LOC400499: variants seen among roughly 807,000 people sequenced by gnomAD.
the LOC400499 span, among the ~76,000 whole-genome samples, chr16:11,467,925 T>C: frequency 6.6e-6 from 1 of 152,134 alleles, no homozygotes; most frequent in Admixed American, 6.6e-5. Flanking sequence ...CCCGTTTGCC[T>C]GGTGTCCTTA....
the LOC400499 span, among the ~76,000 whole-genome samples, chr16:11,515,762 G>T: frequency 6.7e-6 from 1 of 149,780 alleles, no homozygotes; most frequent in East Asian, 2.0e-4. Flanking sequence ...AGGAGGAGGA[G>T]AAAAAGGGAG....
chr16:11,471,390 T>A, the LOC400499 span: 3 of 339,422 alleles, frequency 8.8e-6, no homozygotes, highest in Non-Finnish European at 1.1e-5. Context: ...CAAAAGAATA[T>A]GATGTGCTCT....
At chr16:11,456,587 T>C in the LOC400499 span, among the ~76,000 whole-genome samples, 1 of 151,734 alleles carries the variant, frequency 6.6e-6, no homozygotes, top group Admixed American at 6.6e-5. Flanking sequence ...AAAGATAAGG[T>C]TTTCGTTTGT....
chr16:11,405,407 G>A, the LOC400499 span, among the ~76,000 whole-genome samples: 88 of 152,338 alleles, frequency 5.8e-4, no homozygotes, highest in African/African-American at 1.9e-3. Context: ...AGTCGAGATA[G>A]TCACAGGACA....
chr16:11,391,727 G>C, the LOC400499 span: 1 of 1,232,160 alleles, frequency 8.1e-7, no homozygotes. Flanking sequence ...AAAGAGGCAG[G>C]TGCTGGGTCA....
the LOC400499 span, chr16:11,459,774 G>A: frequency 2.6e-5 from 27 of 1,028,458 alleles, no homozygotes; most frequent in Non-Finnish European, 3.4e-5. Context: ...AAGTCACCAA[G>A]GCTAAGTTTC....
At chr16:11,468,047 C>A in the LOC400499 span, among the ~76,000 whole-genome samples, 1 of 151,660 alleles carries the variant, frequency 6.6e-6, no homozygotes, top group African/African-American at 2.4e-5. Context: ...AATCCAGGAG[C>A]GAGACCTAGG....
At chr16:11,425,681 T>G in the LOC400499 span, among the ~76,000 whole-genome samples, 2 of 152,194 alleles carry the variant, frequency 1.3e-5, no homozygotes, top group African/African-American at 4.8e-5. Flanking sequence ...TATATTTATA[T>G]AGAGCTATAC....
At chr16:11,383,160 G>A in the LOC400499 span, among the ~76,000 whole-genome samples, 26 of 152,090 alleles carry the variant, frequency 1.7e-4, no homozygotes, top group Non-Finnish European at 3.1e-4. Context: ...CTGCCTCCTG[G>A]GTTCACGCCA....
chr16:11,495,508 G>A, the LOC400499 span, among the ~76,000 whole-genome samples: 1 of 149,814 alleles, frequency 6.7e-6, no homozygotes, highest in Non-Finnish European at 1.5e-5. Flanking sequence ...AGCCTCCCAC[G>A]TAGCTGAGAT....
chr16:11,511,963 C>T, the LOC400499 span, among the ~76,000 whole-genome samples: 2 of 152,092 alleles, frequency 1.3e-5, no homozygotes, highest in Middle Eastern at 3.2e-3. Context: ...GGTACCATTG[C>T]ATTCCAGCCT....
At chr16:11,382,111 A>G in the LOC400499 span, among the ~76,000 whole-genome samples, 465 of 150,982 alleles carry the variant, frequency 3.1e-3, 1 homozygote, top group African/African-American at 0.011. Flanking sequence ...TAATTTTTGT[A>G]TTTGTGGTAG....
chr16:11,441,847 A>G, the LOC400499 span, among the ~76,000 whole-genome samples: 7 of 152,306 alleles, frequency 4.6e-5, no homozygotes, highest in South Asian at 2.1e-4. Flanking sequence ...CCCTGCTAAT[A>G]CCTTGATTTT....
At chr16:11,420,822 C>T in the LOC400499 span, among the ~76,000 whole-genome samples, 1 of 152,258 alleles carries the variant, frequency 6.6e-6, no homozygotes, top group African/African-American at 2.4e-5. Flanking sequence ...CTGAATCAAA[C>T]CTTCATTTTA....
At chr16:11,387,398 G>A in the LOC400499 span, 2 of 956,360 alleles carry the variant, frequency 2.1e-6, no homozygotes, top group East Asian at 6.6e-5. Context: ...CTGCAGTGGA[G>A]AGCATGAGGG....
At chr16:11,417,945 C>T in the LOC400499 span, 44 of 397,558 alleles carry the variant, frequency 1.1e-4, no homozygotes, top group Middle Eastern at 6.3e-4. Context: ...GTGCCATCCA[C>T]GTCGCTGTGA....
chr16:11,514,659 A>C, the LOC400499 span: 1 of 397,926 alleles, frequency 2.5e-6, no homozygotes, highest in Non-Finnish European at 4.4e-6. Context: ...CCCATTCCCC[A>C]CTCAGCGAGG....
chr16:11,429,445 G>C, the LOC400499 span, among the ~76,000 whole-genome samples: 3 of 152,256 alleles, frequency 2.0e-5, no homozygotes, highest in African/African-American at 4.8e-5. Flanking sequence ...AGGGCAAAGG[G>C]AGTTAGCAGG....
chr16:11,393,319 G>GA, the LOC400499 span: 4 of 1,148,142 alleles, frequency 3.5e-6, no homozygotes, highest in Non-Finnish European at 4.4e-6. Flanking sequence ...TTAACGCCCA[G>GA]ACCCCCGTCC....
Sources: allele counts gnomAD v4.1 joint callset (sites outside exome capture counted in the v4.1 genomes callset), GRCh38; gene constraint gnomAD v4.1.1; transcripts MANE v1.5.